Variants in PRKG1 observed in about 807,000 individuals in gnomAD.
The protein encoded by PRKG1 is protein kinase cGMP-dependent 1, also known as cGMP-dependent protein kinase 1.
A neutral mutation model predicts 88.1 loss-of-function variants in PRKG1; 35 were observed. The ratio of observed to expected loss-of-function variants is 0.40; its 90% CI spans 0.30 to 0.53. The LOEUF (loss-of-function observed/expected upper bound fraction) is 0.53. Among genes scored for constraint, PRKG1 ranks in the 20% least tolerant of loss-of-function variants. PRKG1 has a pLI of 0.59. For synonymous variants in PRKG1, 303 were observed against 292.5 expected, an observed-to-expected ratio of 1.04 and a Z score of -0.37; for missense variants, 540 against 839.8, an observed-to-expected ratio of 0.64 and a Z score of 4.41.
intron 1 of PRKG1, among the ~76,000 whole-genome samples, chr10:51,057,713 T>C (rs1359595244): frequency 6.6e-6 from 1 of 152,194 alleles, no homozygotes; most frequent in Non-Finnish European, 1.5e-5. Flanking sequence ...TCACTTACTT[T>C]TACTGTTTTT....
chr10:51,336,448 ACTAG>A, intron 2 of PRKG1, among the ~76,000 whole-genome samples: 1 of 152,358 alleles, frequency 6.6e-6, no homozygotes, highest in Middle Eastern at 3.4e-3. Flanking sequence ...GAAGAGAATG[ACTAG>A]CTTGTAATAG....
chr10:52,272,319 G>A, intron 11 of PRKG1, 73 bp from the exon 12 acceptor site: 2 of 1,151,436 alleles, frequency 1.7e-6, no homozygotes, highest in Non-Finnish European at 2.5e-6. Context: ...CTATAATCTG[G>A]GCCCCCCAAA....
chr10:52,181,265 G>T (rs999946511), intron 9 of PRKG1, among the ~76,000 whole-genome samples: 3 of 152,018 alleles, frequency 2.0e-5, no homozygotes, highest in Non-Finnish European at 4.4e-5. Flanking sequence ...GCTAACTTAG[G>T]TACATGTCTC....
At chr10:51,405,304 GAGA>G (rs889861261) in intron 2 of PRKG1, among the ~76,000 whole-genome samples, 1 of 152,206 alleles carries the variant, frequency 6.6e-6, no homozygotes, top group African/African-American at 2.4e-5. Context: ...TTAGATCCTA[GAGA>G]AGGTGACAGT....
chr10:51,306,651 TG>T (rs1841045841), intron 2 of PRKG1: 1 of 152,206 alleles, frequency 6.6e-6, no homozygotes, highest in South Asian at 2.1e-4. Flanking sequence ...TTGCTCTCCA[TG>T]GACAACATCT....
At chr10:51,848,343 T>C (rs1369778050) in intron 4 of PRKG1, among the ~76,000 whole-genome samples, 2 of 152,172 alleles carry the variant, frequency 1.3e-5, no homozygotes, top group African/African-American at 4.8e-5. Flanking sequence ...AAAAACAAAC[T>C]CCACCTCCAA....
chr10:51,910,000 A>G (rs1227446127), intron 5 of PRKG1: 3 of 152,322 alleles, frequency 2.0e-5, no homozygotes, highest in African/African-American at 7.2e-5. Flanking sequence ...CTGGTTACAC[A>G]TGCAGGTGGG....
rs564478081 is a variant in PRKG1, at chr10:51,116,814, G to A, written c.312-36350G>A. Among the ~76,000 whole-genome samples the A allele has an allele frequency of 5.9e-5, 9 of 152,288 alleles. No individual in the cohort carries two copies. In the South Asian group the frequency reaches 1.2e-3, roughly 21 times the overall value. Reference sequence around the variant, plus strand: ...GATACCATGAGCAATATTGAACAGCGGGGGAATTCCTGAGCAAGAAGATGG... The same window carrying A: ...GATACCATGAGCAATATTGAACAGCAGGGGAATTCCTGAGCAAGAAGATGG... On this transcript the variant is annotated intron_variant, in intron 1 of 17. Coordinates refer to ENST00000373980, the MANE Select transcript of PRKG1 (RefSeq NM_006258.4).
At chr10:52,136,777 A>G (rs1239510998) in intron 8 of PRKG1, among the ~76,000 whole-genome samples, 1 of 152,098 alleles carries the variant, frequency 6.6e-6, no homozygotes, top group African/African-American at 2.4e-5. Context: ...TACAGAAGGC[A>G]TAGGATTCCC....
intron 3 of PRKG1, among the ~76,000 whole-genome samples, chr10:51,693,860 C>T (rs1841212856): frequency 6.6e-6 from 1 of 152,006 alleles, no homozygotes; most frequent in African/African-American, 2.4e-5. Context: ...AAGGAGTAAA[C>T]TTTTGTTTCA....
intron 10 of PRKG1, among the ~76,000 whole-genome samples, chr10:52,264,402 C>CA (rs1841518510): frequency 6.6e-6 from 1 of 151,326 alleles, no homozygotes; most frequent in African/African-American, 2.4e-5. Context: ...TCCCCTCCAG[C>CA]TTTTTTTTTC....
intron 9 of PRKG1, among the ~76,000 whole-genome samples, chr10:52,187,606 C>T (rs1839231081): frequency 6.6e-6 from 1 of 152,276 alleles, no homozygotes; most frequent in South Asian, 2.1e-4. Flanking sequence ...AACATGGTTT[C>T]ATTAACTTTT....
At chr10:52,108,834 T>TTTC (rs1554805005) in intron 7 of PRKG1, among the ~76,000 whole-genome samples, 3 of 138,498 alleles carry the variant, frequency 2.2e-5, no homozygotes, top group African/African-American at 7.8e-5. Context: ...CCTTTTTTTT[T>TTTC]TTTTTTTTTT....
chr10:52,265,161 G>T (rs972496788), intron 10 of PRKG1, among the ~76,000 whole-genome samples: 6 of 152,086 alleles, frequency 3.9e-5, no homozygotes, highest in African/African-American at 1.4e-4. Context: ...GAGGCCCAGT[G>T]AGATTATATG....
chr10:52,027,754 T>G (rs1034923966), intron 5 of PRKG1, among the ~76,000 whole-genome samples: 1 of 152,280 alleles, frequency 6.6e-6, no homozygotes, highest in Middle Eastern at 3.4e-3. Context: ...TTGGAACTTT[T>G]ATTGAAGCCC....
intron 3 of PRKG1, among the ~76,000 whole-genome samples, chr10:51,635,304 A>G (rs1016811586): frequency 6.8e-6 from 1 of 146,384 alleles, no homozygotes; most frequent in African/African-American, 2.5e-5. Context: ...AAAAAAAAAG[A>G]GGTTAGATAT....
chr10:51,818,567 T>C (rs1023783227), intron 4 of PRKG1, among the ~76,000 whole-genome samples: 1 of 152,190 alleles, frequency 6.6e-6, no homozygotes, highest in Non-Finnish European at 1.5e-5. Context: ...TTCACAACAA[T>C]CTGATTATAC....
intron 7 of PRKG1, among the ~76,000 whole-genome samples, chr10:52,092,454 G>A (rs765328073): frequency 2.0e-5 from 3 of 152,058 alleles, no homozygotes; most frequent in Admixed American, 1.3e-4. Context: ...CTGACATAAA[G>A]TTTGATTCTT....
chr10:51,172,801 G>A (rs1302991467), intron 2 of PRKG1, among the ~76,000 whole-genome samples: 1 of 151,906 alleles, frequency 6.6e-6, no homozygotes, highest in Non-Finnish European at 1.5e-5. Flanking sequence ...TCAGGCCTAG[G>A]TCTTTGAATC....
Sources: allele counts gnomAD v4.1 joint callset (sites outside exome capture counted in the v4.1 genomes callset), GRCh38; gene constraint gnomAD v4.1.1; transcripts MANE v1.5; gene names NCBI Gene and HGNC (gene_info 2026-07-23, HGNC 2026-07-21).